The following OPCML variants were observed in gnomAD, a reference collection of about 807,000 sequenced individuals.
OPCML encodes the protein opioid binding protein/cell adhesion molecule like.
Under a neutral mutation model 37.8 loss-of-function variants are expected in OPCML, and 13 were observed. The observed-to-expected ratio is 0.34, with a 90% CI of 0.22 to 0.55. OPCML has a LOEUF of 0.55. OPCML is among the 20% of genes least tolerant of loss of function. The pLI is 0.91. For synonymous variants in OPCML, 176 were observed against 168.8 expected, an observed-to-expected ratio of 1.04 and a Z score of -0.33; for missense variants, 341 against 435.6, an observed-to-expected ratio of 0.78 and a Z score of 1.93.
intron 2 of OPCML, among the ~76,000 whole-genome samples, chr11:132,760,718 G>A (rs1946232108): frequency 6.6e-6 from 1 of 151,454 alleles, no homozygotes; most frequent in African/African-American, 2.4e-5. Context: ...TGGGTCTCTT[G>A]AATACAGCAC....
At chr11:133,258,737 AC>A (rs961440648) in intron 1 of OPCML, among the ~76,000 whole-genome samples, 5 of 151,592 alleles carry the variant, frequency 3.3e-5, no homozygotes, top group Non-Finnish European at 7.4e-5. Context: ...TCCCACTCAC[AC>A]CCATGGTTCT....
intron 1 of OPCML, among the ~76,000 whole-genome samples, chr11:133,530,615 G>C (rs1321490990): frequency 1.3e-5 from 2 of 152,224 alleles, no homozygotes; most frequent in African/African-American, 4.8e-5. Context: ...CTTCCCTGCT[G>C]AGCACAGCCC....
chr11:133,031,787 C>G (rs2136925417), intron 1 of OPCML, among the ~76,000 whole-genome samples: 1 of 151,456 alleles, frequency 6.6e-6, no homozygotes, highest in African/African-American at 2.4e-5. Context: ...TTCTCCCTTT[C>G]CTCCTTACAT....
chr11:132,432,219 A>G (rs2095999460), intron 7 of OPCML, among the ~76,000 whole-genome samples: 1 of 152,180 alleles, frequency 6.6e-6, no homozygotes, highest in Non-Finnish European at 1.5e-5. Flanking sequence ...TACTTCATAG[A>G]GTCACTAAGG....
At chr11:133,289,631 T>G (rs188673284) in intron 1 of OPCML, among the ~76,000 whole-genome samples, 4 of 151,608 alleles carry the variant, frequency 2.6e-5, no homozygotes, top group African/African-American at 9.7e-5. Flanking sequence ...GACATATTAG[T>G]TTCACGCTAT....
At chr11:133,515,364 T>G (rs2120654430) in intron 1 of OPCML, among the ~76,000 whole-genome samples, 1 of 152,326 alleles carries the variant, frequency 6.6e-6, no homozygotes, top group East Asian at 1.9e-4. Flanking sequence ...AGAGACATCT[T>G]GGGCTGTCAC....
At chr11:133,404,724 G>C (rs1041213452) in intron 1 of OPCML, among the ~76,000 whole-genome samples, 1 of 152,138 alleles carries the variant, frequency 6.6e-6, no homozygotes, top group African/African-American at 2.4e-5. Context: ...TTAGAATTAG[G>C]CTTTTATTTT....
At chr11:132,627,495 A>G (rs1939819522) in intron 3 of OPCML, among the ~76,000 whole-genome samples, 1 of 152,216 alleles carries the variant, frequency 6.6e-6, no homozygotes, top group Non-Finnish European at 1.5e-5. Flanking sequence ...AGTTTACACT[A>G]TGGTGGTGGA....
chr11:132,708,315 T>C (rs1944118782), intron 2 of OPCML, among the ~76,000 whole-genome samples: 1 of 152,172 alleles, frequency 6.6e-6, no homozygotes, highest in Non-Finnish European at 1.5e-5. Flanking sequence ...TAACATTTTC[T>C]TTTTTTCCCA....
intron 2 of OPCML, among the ~76,000 whole-genome samples, chr11:132,699,403 G>A (rs2135916733): frequency 6.6e-6 from 1 of 152,166 alleles, no homozygotes; most frequent in South Asian, 2.1e-4. Context: ...AAAAGAGATA[G>A]ATGGACATCT....
chr11:133,508,539 C>G (rs73025673), intron 1 of OPCML, among the ~76,000 whole-genome samples: 1 of 152,154 alleles, frequency 6.6e-6, no homozygotes, highest in African/African-American at 2.4e-5. Context: ...AGCCATGGCC[C>G]TGGCTGACCT....
At chr11:133,495,857 T>C (rs1421075006) in intron 1 of OPCML, among the ~76,000 whole-genome samples, 1 of 152,204 alleles carries the variant, frequency 6.6e-6, no homozygotes, top group South Asian at 2.1e-4. Flanking sequence ...GGTTGTCTGT[T>C]AACTCTGCTG....
At chr11:133,314,562 A>G (rs1299547813) in intron 1 of OPCML, among the ~76,000 whole-genome samples, 1 of 151,716 alleles carries the variant, frequency 6.6e-6, no homozygotes, top group African/African-American at 2.4e-5. Context: ...AATAAGAAAA[A>G]AAAAAAAAAG....
chr11:133,363,567 T>A (rs1358016495), intron 1 of OPCML, among the ~76,000 whole-genome samples: 1 of 152,216 alleles, frequency 6.6e-6, no homozygotes, highest in East Asian at 1.9e-4. Flanking sequence ...AGCCATTTTC[T>A]CCTTTCAAGA....
chr11:133,290,609 G>A (rs1164940558), intron 1 of OPCML, among the ~76,000 whole-genome samples: 2 of 152,208 alleles, frequency 1.3e-5, no homozygotes, highest in Non-Finnish European at 2.9e-5. Flanking sequence ...ACCCCTGAGT[G>A]GCACCTGTGG....
intron 1 of OPCML, among the ~76,000 whole-genome samples, chr11:133,150,297 C>A (rs1393938132): frequency 1.3e-5 from 2 of 152,194 alleles, no homozygotes; most frequent in Non-Finnish European, 2.9e-5. Context: ...TGGATGGTCT[C>A]ACCCTTTCCT....
intron 1 of OPCML, among the ~76,000 whole-genome samples, chr11:132,993,643 C>T (rs1946823723): frequency 6.6e-6 from 1 of 152,084 alleles, no homozygotes; most frequent in South Asian, 2.1e-4. Context: ...CCCTGCCCTC[C>T]GCGAGCCTAG....
intron 2 of OPCML, among the ~76,000 whole-genome samples, chr11:132,722,833 C>T (rs73599363): frequency 0.025 from 3,810 of 152,210 alleles, 125 homozygotes; most frequent in African/African-American, 0.086. Context: ...AGTTTTAACA[C>T]GATTGCTTCA....
Position 133,152,919 on chromosome 11 carries a change from C to T in OPCML, c.62-209909G>A, listed in dbSNP as rs376660513. Reference sequence around the variant, plus strand: ...CATTTTGCTAATTTAATCTTTTTCCCCTTCATAAGGTAATAAAATATTCAT... The same window carrying T: ...CATTTTGCTAATTTAATCTTTTTCCTCTTCATAAGGTAATAAAATATTCAT... On this transcript the variant is annotated intron_variant, in intron 1 of 7. Coordinates refer to ENST00000524381, the MANE Select transcript of OPCML (RefSeq NM_001012393.5). 3.3e-5 allele frequency among the ~76,000 whole-genome samples: 5 copies of T among 151,720 alleles called. No homozygotes were observed. The East Asian group carries it at 9.7e-4, about 29-fold the overall frequency.
Sources: gnomAD v4.1 joint callset for allele counts (sites outside exome capture counted in the v4.1 genomes callset) on GRCh38, gnomAD v4.1.1 for gene constraint, MANE v1.5 for transcripts, NCBI Gene and HGNC (gene_info 2026-07-23, HGNC 2026-07-21) for gene names.